Variants in MITF observed in about 807,000 individuals in gnomAD.
MITF encodes microphthalmia-associated transcription factor.
A neutral mutation model predicts 60.5 loss-of-function variants in MITF; 17 were observed. The ratio of observed to expected loss-of-function variants is 0.28; its 90% CI spans 0.19 to 0.42. The LOEUF (loss-of-function observed/expected upper bound fraction) is 0.42. Among genes scored for constraint, MITF ranks in the 10% least tolerant of loss-of-function variants. The pLI, the probability that MITF is intolerant of heterozygous loss-of-function variation, is 1.00. For synonymous variants in MITF, 260 were observed against 248.5 expected (o/e 1.05, Z -0.43); for missense variants, 622 against 683.5 (o/e 0.91, Z 1.00).
At chr3:69,878,272 G>C (rs2064400174) in intron 1 of MITF, among the ~76,000 whole-genome samples, 1 of 152,198 alleles carries the variant, frequency 6.6e-6, no homozygotes, top group Non-Finnish European at 1.5e-5. Context: ...TGATGTCATA[G>C]AGCTGGCAAG....
intron 1 of MITF, among the ~76,000 whole-genome samples, chr3:69,829,672 G>GCACACACACACA (rs34482357): frequency 2.0e-5 from 3 of 150,700 alleles, no homozygotes; most frequent in Non-Finnish European, 4.4e-5. Context: ...AGGTGTGGAT[G>GCACACACACACA]CACACACACA....
At chr3:69,855,095 C>A (rs1429327719) in intron 1 of MITF, among the ~76,000 whole-genome samples, 2 of 151,320 alleles carry the variant, frequency 1.3e-5, no homozygotes, top group Non-Finnish European at 2.9e-5. Context: ...AGTTTTACCC[C>A]CCGCCCCCCA....
intron 2 of MITF, among the ~76,000 whole-genome samples, chr3:69,894,893 A>G (rs2064838898): frequency 6.6e-6 from 1 of 152,178 alleles, no homozygotes; most frequent in Admixed American, 6.5e-5. Context: ...TTCAGATAAG[A>G]CCAGAGGCCA....
chr3:69,853,111 T>G (rs1286180022), intron 1 of MITF, among the ~76,000 whole-genome samples: 2 of 152,090 alleles, frequency 1.3e-5, no homozygotes, highest in African/African-American at 4.8e-5. Flanking sequence ...AACAGCAAAA[T>G]CGTGCTTTAG....
In MITF at chr3:69,966,086, T is replaced by C. The variant is rs990012860; in HGVS notation, c.*838T>C. 4.3e-6 allele frequency: 1 copy of C among 232,710 alleles called. No individual in the cohort carries two copies. Among genetic ancestry groups the C allele is most frequent in the African/African-American group, 2.2e-5 (1 of 45,322 alleles). 14.4% of individuals were successfully genotyped at this position (232,710 alleles called of 1,614,324 possible). The stretch of plus-strand genomic sequence containing the variant: ...TACTTTTTTTTTATTTTATTTTTGC[T>C]TTTGATAAGAAAACCGAACTGGGCA... On this transcript the variant is annotated 3_prime_UTR_variant, in exon 10 of 10. Coordinates refer to ENST00000352241, the MANE Select transcript of MITF (RefSeq NM_001354604.2).
At chr3:69,848,961 T>C (rs1391899303) in intron 1 of MITF, among the ~76,000 whole-genome samples, 9 of 133,296 alleles carry the variant, frequency 6.8e-5, no homozygotes, top group Non-Finnish European at 1.4e-4. Context: ...ATTCTTCTTT[T>C]TTTTTTTTTT....
chr3:69,754,005 G>T (rs1332565181), intron 1 of MITF, among the ~76,000 whole-genome samples: 1 of 152,146 alleles, frequency 6.6e-6, no homozygotes, highest in Admixed American at 6.5e-5. Context: ...TGATTTGGGG[G>T]ACCAGGGGTA....
intron 1 of MITF, among the ~76,000 whole-genome samples, chr3:69,759,840 C>T (rs1046265970): frequency 2.6e-5 from 4 of 152,088 alleles, no homozygotes; most frequent in Admixed American, 6.5e-5. Flanking sequence ...TGCAGTGGCA[C>T]GATCTCGGCT....
chr3:69,835,015 C>CTTTTTT (rs142347719), intron 1 of MITF, among the ~76,000 whole-genome samples: 10 of 68,544 alleles, frequency 1.5e-4, no homozygotes, highest in African/African-American at 2.7e-4. Flanking sequence ...GCTCTTTTAC[C>CTTTTTT]TTTTTTTTTT....
intron 8 of MITF, among the ~76,000 whole-genome samples, chr3:69,958,134 G>A (rs1489543337): frequency 6.6e-6 from 1 of 152,208 alleles, no homozygotes; most frequent in Non-Finnish European, 1.5e-5. Context: ...CAAAACCCAA[G>A]ATAATTGGTT....
At chr3:69,913,423 T>C (rs978739495) in intron 2 of MITF, among the ~76,000 whole-genome samples, 9 of 152,160 alleles carry the variant, frequency 5.9e-5, no homozygotes, top group Admixed American at 5.2e-4. Flanking sequence ...TTTATACCAC[T>C]ATTTTTCTTT....
At chr3:69,775,115 T>C (rs1180360054) in intron 1 of MITF, among the ~76,000 whole-genome samples, 3 of 152,204 alleles carry the variant, frequency 2.0e-5, no homozygotes, top group Non-Finnish European at 2.9e-5. Flanking sequence ...TAGGTTACCA[T>C]GCTTTTCTTT....
chr3:69,954,878 T>C (rs1260828482), intron 7 of MITF, among the ~76,000 whole-genome samples: 3 of 152,210 alleles, frequency 2.0e-5, no homozygotes, highest in Non-Finnish European at 4.4e-5. Flanking sequence ...ATTATTTATC[T>C]AGGTGTACAG....
chr3:69,828,920 G>A (rs1204184145), intron 1 of MITF, among the ~76,000 whole-genome samples: 1 of 147,982 alleles, frequency 6.8e-6, no homozygotes, highest in African/African-American at 2.5e-5. Context: ...ATTGGCATCT[G>A]AATTGAATAC....
chr3:69,967,276 C>T lies in MITF; in HGVS notation c.*2028C>T, dbSNP rs2066712397. Reference sequence around the variant, plus strand: ...TAGGGAAAATTAGTTCCCATTCTTTCAACCCCCTTAACTGTATAGCTCTTT... The same window carrying T: ...TAGGGAAAATTAGTTCCCATTCTTTTAACCCCCTTAACTGTATAGCTCTTT... On this transcript the variant is annotated 3_prime_UTR_variant, in exon 10 of 10. Coordinates refer to ENST00000352241, the MANE Select transcript of MITF (RefSeq NM_001354604.2). 4.3e-6 allele frequency: 1 copy of T among 232,346 alleles called. No homozygotes were observed. The highest frequency in any genetic ancestry group is 8.5e-6 in the Non-Finnish European group (1 of 117,326). 14.4% of individuals were successfully genotyped at this position (232,346 alleles called of 1,614,324 possible). A position where few individuals can be genotyped will look rare whatever the true frequency, so the allele number is the denominator to read the frequency against.
chr3:69,937,402 G>A (rs1328803341), intron 2 of MITF, among the ~76,000 whole-genome samples: 4 of 150,058 alleles, frequency 2.7e-5, no homozygotes, highest in Non-Finnish European at 5.9e-5. Context: ...GTGTGTGTGT[G>A]TGTTTTAAAA....
At chr3:69,892,154 A>AT (rs566676431) in intron 2 of MITF, among the ~76,000 whole-genome samples, 7 of 151,922 alleles carry the variant, frequency 4.6e-5, no homozygotes, top group Non-Finnish European at 8.8e-5. Context: ...TCTATGTTTC[A>AT]TTTTTTTTCT....
At chr3:69,939,532 G>A (rs1005983960) in intron 4 of MITF, among the ~76,000 whole-genome samples, 12 of 152,058 alleles carry the variant, frequency 7.9e-5, no homozygotes, top group African/African-American at 2.9e-4. Flanking sequence ...AGATGTGTGT[G>A]TATAATCTAG....
chr3:69,918,653 C>A (rs1380436962), intron 2 of MITF, among the ~76,000 whole-genome samples: 1 of 152,172 alleles, frequency 6.6e-6, no homozygotes, highest in Non-Finnish European at 1.5e-5. Flanking sequence ...AGTTATGTAA[C>A]CCTCTGCCCT....
Sources: allele counts gnomAD v4.1 joint callset (sites outside exome capture counted in the v4.1 genomes callset), GRCh38; gene constraint gnomAD v4.1.1; transcripts MANE v1.5; gene names NCBI Gene and HGNC (gene_info 2026-07-23, HGNC 2026-07-21).